PTPRD: variants seen among roughly 807,000 people sequenced by gnomAD.
PTPRD encodes receptor-type tyrosine-protein phosphatase delta.
PTPRD carries 34 observed loss-of-function variants against 214.5 expected under a neutral mutation model. The observed-to-expected ratio is 0.16, with a 90% CI of 0.12 to 0.21. The LOEUF (loss-of-function observed/expected upper bound fraction) is 0.21, where lower values mean the gene tolerates loss of function less well. PTPRD is among the 10% of genes least tolerant of loss of function. PTPRD has a pLI of 1.00. For synonymous variants in PTPRD, 1,128 were observed against 845.7 expected (o/e 1.33, Z -5.79); for missense variants, 2,545 against 2,398.7 (o/e 1.06, Z -1.27).
intron 33 of PTPRD, 59 bp downstream of exon 33, chr9:8,460,352 C>G (rs2096363134): frequency 6.9e-6 from 11 of 1,587,306 alleles, no homozygotes; most frequent in Non-Finnish European, 9.5e-6. Context: ...GAACAATGAT[C>G]AAGTCTTCAA....
rs562849389 is a variant in PTPRD at position 9,456,708 on chromosome 9, C to T, written c.-236-59226G>A. Among the ~76,000 whole-genome samples, 172 of 151,864 alleles carry T rather than the reference C, an allele frequency of 1.1e-3. 1 individual carries two copies. Among genetic ancestry groups the T allele is most frequent in the African/African-American group, 3.9e-3 (162 of 41,508 alleles). On this transcript the variant is annotated intron_variant, in intron 8 of 45. Coordinates refer to ENST00000381196, the MANE Select transcript of PTPRD (RefSeq NM_002839.4). ...TATTTTTTCATTTACTAATCTTAAA[C>T]TGCTACATAGTAAATAAAATTAATA...
intron 2 of PTPRD, among the ~76,000 whole-genome samples, chr9:10,574,558 C>A (rs150323230): frequency 1.7e-3 from 255 of 151,970 alleles, no homozygotes; most frequent in African/African-American, 5.9e-3. Context: ...CATTTCTAAG[C>A]TCTGGCTAAG....
chr9:10,568,096 C>T (rs2066219948), intron 2 of PTPRD, among the ~76,000 whole-genome samples: 2 of 150,914 alleles, frequency 1.3e-5, no homozygotes, highest in Admixed American at 6.6e-5. Flanking sequence ...AGGTATATCT[C>T]CTAATGCTAC....
chr9:8,838,099 G>A (rs1188598587), intron 11 of PTPRD, among the ~76,000 whole-genome samples: 3 of 151,928 alleles, frequency 2.0e-5, no homozygotes, highest in African/African-American at 4.8e-5. Context: ...TAAGGGAGAG[G>A]GGTCCAGCAT....
intron 9 of PTPRD, among the ~76,000 whole-genome samples, chr9:9,222,152 T>C (rs1358631415): frequency 2.0e-5 from 3 of 152,138 alleles, no homozygotes; most frequent in Non-Finnish European, 4.4e-5. Flanking sequence ...TTTTTCTTAT[T>C]GTAGGCAAAA....
chr9:9,626,998 C>G (rs1277753780), intron 7 of PTPRD, among the ~76,000 whole-genome samples: 1 of 152,162 alleles, frequency 6.6e-6, no homozygotes, highest in Non-Finnish European at 1.5e-5. Context: ...AGGGAGCTTT[C>G]CAGATTTCAA....
At chr9:8,353,551 G>T (rs1014894642) in intron 39 of PTPRD, among the ~76,000 whole-genome samples, 1 of 151,984 alleles carries the variant, frequency 6.6e-6, no homozygotes, top group Admixed American at 6.6e-5. Flanking sequence ...TCCTGCCTCA[G>T]CCTCCTGAGT....
chr9:9,702,882 T>C (rs377448520), intron 7 of PTPRD, among the ~76,000 whole-genome samples: 2 of 152,158 alleles, frequency 1.3e-5, no homozygotes, highest in East Asian at 3.9e-4. Context: ...TCTGACTCTA[T>C]TTGTATAGGG....
At chr9:9,643,846 TA>T (rs1482113360) in intron 7 of PTPRD, among the ~76,000 whole-genome samples, 2 of 152,156 alleles carry the variant, frequency 1.3e-5, no homozygotes, top group African/African-American at 4.8e-5. Context: ...CCTAGTTTTC[TA>T]AAAATATCTT....
At chr9:8,670,376 G>C (rs117411841) in intron 12 of PTPRD, among the ~76,000 whole-genome samples, 2,099 of 152,100 alleles carry the variant, frequency 0.014, 19 homozygotes, top group Non-Finnish European at 0.02. Context: ...CCATTACACA[G>C]AGAATGAAAC....
At position 8,465,610 on chromosome 9, in the gene PTPRD, T is replaced by G; in HGVS notation, c.3570A>C (p.Pro1190=). The change falls in exon 32 of 46, where the codon CCA becomes CCC. Residue 1190 remains proline (P), a synonymous_variant. Transcript: ENST00000381196. The stretch of plus-strand genomic sequence containing the variant: ...GGACATCAAAGTGAGCGGCAATATA[T>G]GGCTTTAATTCAACTTCTCTCCCAT... ...IRYGREVELK[P]YIAAHFDVLP... The G allele has an allele frequency of 6.2e-7, 1 of 1,612,540 alleles. No homozygotes were observed. The highest frequency in any genetic ancestry group is 8.5e-7 in the Non-Finnish European group (1 of 1,179,002).
intron 11 of PTPRD, among the ~76,000 whole-genome samples, chr9:8,985,694 T>C (rs900236663): frequency 5.9e-5 from 9 of 151,904 alleles, no homozygotes; most frequent in Non-Finnish European, 8.8e-5. Flanking sequence ...CTGGGATACA[T>C]TTCCTGCTGT....
chr9:8,392,398 C>A (rs1045156500), intron 36 of PTPRD, among the ~76,000 whole-genome samples: 1 of 151,864 alleles, frequency 6.6e-6, no homozygotes, highest in Non-Finnish European at 1.5e-5. Flanking sequence ...TGGTCATGCA[C>A]GCCTGTAGTC....
At chr9:8,442,400 G>T (rs912503377) in intron 34 of PTPRD, among the ~76,000 whole-genome samples, 1 of 143,298 alleles carries the variant, frequency 7.0e-6, no homozygotes, top group Non-Finnish European at 1.5e-5. Flanking sequence ...ATTCTGCTAA[G>T]TAGAGTTTTT....
At chr9:10,431,587 A>G (rs1241218073) in intron 2 of PTPRD, among the ~76,000 whole-genome samples, 4 of 151,890 alleles carry the variant, frequency 2.6e-5, no homozygotes, top group African/African-American at 7.3e-5. Flanking sequence ...ACAAATTTAC[A>G]AGAAAAAAAC....
At chr9:9,922,793 T>G (rs1056943403) in intron 5 of PTPRD, among the ~76,000 whole-genome samples, 5 of 152,064 alleles carry the variant, frequency 3.3e-5, no homozygotes, top group Admixed American at 3.3e-4. Flanking sequence ...AAAATGGTAT[T>G]GTCGTGAAAG....
intron 12 of PTPRD, among the ~76,000 whole-genome samples, chr9:8,726,175 C>A (rs906801921): frequency 2.0e-5 from 3 of 152,006 alleles, no homozygotes; most frequent in Non-Finnish European, 1.5e-5. Flanking sequence ...ATCACAGGAC[C>A]TTTCTCTTTA....
intron 3 of PTPRD, among the ~76,000 whole-genome samples, chr9:10,158,521 C>G (rs1055412270): frequency 6.6e-6 from 1 of 152,110 alleles, no homozygotes; most frequent in Non-Finnish European, 1.5e-5. Flanking sequence ...TAGAAGCAAG[C>G]TAGCTTCACT....
chr9:8,760,244 T>G (rs569593057), intron 11 of PTPRD, among the ~76,000 whole-genome samples: 160 of 151,676 alleles, frequency 1.1e-3, no homozygotes, highest in Middle Eastern at 6.8e-3. Flanking sequence ...GTCAGAATTT[T>G]AAATACACAC....
Sources: allele counts gnomAD v4.1 joint callset (sites outside exome capture counted in the v4.1 genomes callset), GRCh38; gene constraint gnomAD v4.1.1; transcripts MANE v1.5; gene names NCBI Gene and HGNC (gene_info 2026-07-23, HGNC 2026-07-21).